HSD17B2: variants seen among roughly 807,000 people sequenced by gnomAD.
HSD17B2 encodes hydroxysteroid 17-beta dehydrogenase 2, also known as 17-beta-hydroxysteroid dehydrogenase type 2.
In HSD17B2, 32 loss-of-function variants were observed where a neutral mutation model predicts 26.9. That is an observed-to-expected ratio of 1.19 (90% CI 0.90 to 1.60). HSD17B2 has a LOEUF of 1.60. Ranked by LOEUF, HSD17B2 falls within the 40% of genes most tolerant of loss-of-function variation. The probability of loss-of-function intolerance (pLI) is 0.00; values close to 1 mark genes in which losing one functional copy is unlikely to be tolerated. For synonymous variants in HSD17B2, 246 were observed against 186.7 expected (o/e 1.32, Z -2.59); for missense variants, 613 against 468.6 (o/e 1.31, Z -2.85).
At chr16:82,084,231 C>A (rs1298369808) in intron 3 of HSD17B2, among the ~76,000 whole-genome samples, 3 of 152,094 alleles carry the variant, frequency 2.0e-5, no homozygotes, top group Admixed American at 2.0e-4. Flanking sequence ...GCACTACTGG[C>A]ATTTTGGTGG....
At chr16:82,037,332 C>G (rs187301527) in intron 1 of HSD17B2, among the ~76,000 whole-genome samples, 1 of 152,302 alleles carries the variant, frequency 6.6e-6, no homozygotes, top group East Asian at 1.9e-4. Context: ...GACAAGGCCT[C>G]AAGACCTTTG....
At chr16:82,058,043 T>A (rs748673305) in intron 1 of HSD17B2, among the ~76,000 whole-genome samples, 4 of 152,088 alleles carry the variant, frequency 2.6e-5, no homozygotes, top group Admixed American at 1.3e-4. Context: ...AACTACATCA[T>A]ACTAATGTAA....
chr16:82,074,089 A>C (rs1037052924), intron 3 of HSD17B2, among the ~76,000 whole-genome samples: 1 of 152,196 alleles, frequency 6.6e-6, no homozygotes, highest in Non-Finnish European at 1.5e-5. Context: ...TGAAAAAAAC[A>C]AGCAATGGGG....
At chr16:82,085,640 C>T (rs1302769958) in intron 3 of HSD17B2, among the ~76,000 whole-genome samples, 2 of 151,764 alleles carry the variant, frequency 1.3e-5, no homozygotes, top group Non-Finnish European at 2.9e-5. Flanking sequence ...CAATTTAGGG[C>T]TGTCTCTTAC....
At chr16:82,054,998 C>T (rs1255700147) in intron 1 of HSD17B2, among the ~76,000 whole-genome samples, 3 of 152,152 alleles carry the variant, frequency 2.0e-5, no homozygotes, top group Non-Finnish European at 4.4e-5. Context: ...GGGGTCTGTT[C>T]TATGCATTTT....
chr16:82,052,617 A>G (rs778451318), intron 1 of HSD17B2, among the ~76,000 whole-genome samples: 1 of 152,174 alleles, frequency 6.6e-6, no homozygotes, highest in Non-Finnish European at 1.5e-5. Context: ...TCCCACTAGG[A>G]GAGTAAATGA....
intron 3 of HSD17B2, among the ~76,000 whole-genome samples, chr16:82,076,549 C>T (rs565403722): frequency 1.7e-4 from 26 of 152,310 alleles, no homozygotes; most frequent in South Asian, 1.0e-3. Context: ...TTGCAGGATA[C>T]GAAATCAACA....
At chr16:82,061,652 ATG>A (rs1914442108) in intron 1 of HSD17B2, among the ~76,000 whole-genome samples, 2 of 152,206 alleles carry the variant, frequency 1.3e-5, no homozygotes, top group South Asian at 4.1e-4. Context: ...GTCAAATTGT[ATG>A]TGTGCTATAA....
intron 1 of HSD17B2, among the ~76,000 whole-genome samples, chr16:82,044,145 T>C (rs927368680): frequency 2.0e-5 from 3 of 152,200 alleles, no homozygotes; most frequent in African/African-American, 7.2e-5. Flanking sequence ...CTCTGAGCTG[T>C]TGACTCAGAG....
intron 1 of HSD17B2, among the ~76,000 whole-genome samples, chr16:82,045,608 T>C (rs1913902389): frequency 6.6e-6 from 1 of 152,242 alleles, no homozygotes; most frequent in African/African-American, 2.4e-5. Flanking sequence ...TTCTGGGCCA[T>C]TCATTAATGT....
chr16:82,086,169 C>G (rs926160906), intron 3 of HSD17B2, among the ~76,000 whole-genome samples: 2 of 152,154 alleles, frequency 1.3e-5, no homozygotes, highest in African/African-American at 4.8e-5. Flanking sequence ...CAAAAACTCA[C>G]TCATACATAG....
At chr16:82,041,979 T>C (rs902125114) in intron 1 of HSD17B2, among the ~76,000 whole-genome samples, 2 of 152,004 alleles carry the variant, frequency 1.3e-5, no homozygotes, top group Non-Finnish European at 2.9e-5. Flanking sequence ...TGTGATCCTT[T>C]TCCCTTTCTT....
chr16:82,060,683 T>C (rs754440242), intron 1 of HSD17B2, among the ~76,000 whole-genome samples: 1 of 152,166 alleles, frequency 6.6e-6, no homozygotes, highest in African/African-American at 2.4e-5. Context: ...AGAAGTGAGA[T>C]TCCACTATGA....
intron 3 of HSD17B2, among the ~76,000 whole-genome samples, chr16:82,088,624 G>A (rs370866750): frequency 2.0e-5 from 3 of 152,208 alleles, no homozygotes; most frequent in Non-Finnish European, 4.4e-5. Context: ...CACAGCCCAT[G>A]CTGTGATTTT....
At chr16:82,076,215 C>A (rs1253839413) in intron 3 of HSD17B2, among the ~76,000 whole-genome samples, 2 of 151,988 alleles carry the variant, frequency 1.3e-5, no homozygotes, top group Non-Finnish European at 2.9e-5. Flanking sequence ...TAAAAAAAAA[C>A]TGTGTATAGA....
At chr16:82,049,424 C>T (rs559447017) in intron 1 of HSD17B2, among the ~76,000 whole-genome samples, 11 of 152,260 alleles carry the variant, frequency 7.2e-5, no homozygotes, top group Admixed American at 3.3e-4. Flanking sequence ...TCCCCAAGTG[C>T]CAGGTACAAA....
At chr16:82,091,266 G>A in intron 4 of HSD17B2, 1 of 561,302 alleles carries the variant, frequency 1.8e-6, no homozygotes. Context: ...CATTTTAAAA[G>A]GAAAACCAGG....
chr16:82,040,657 G>C (rs972667438), intron 1 of HSD17B2, among the ~76,000 whole-genome samples: 1 of 152,170 alleles, frequency 6.6e-6, no homozygotes, highest in Non-Finnish European at 1.5e-5. Context: ...TTAATACAGA[G>C]CTTGGCAATT....
chr16:82,090,610 C>T (rs544968796), intron 3 of HSD17B2, among the ~76,000 whole-genome samples: 21 of 152,134 alleles, frequency 1.4e-4, no homozygotes, highest in Admixed American at 2.6e-4. Context: ...TAAGCCACTG[C>T]GGCCAGCCCT....
Sources: allele counts gnomAD v4.1 joint callset (sites outside exome capture counted in the v4.1 genomes callset), GRCh38; gene constraint gnomAD v4.1.1; transcripts MANE v1.5; gene names NCBI Gene and HGNC (gene_info 2026-07-23, HGNC 2026-07-21).